DIAPH3: variants seen among roughly 807,000 people sequenced by gnomAD.
DIAPH3 encodes the protein diaphanous related formin 3, also known as protein diaphanous homolog 3.
Under a neutral mutation model 144.3 loss-of-function variants are expected in DIAPH3, and 117 were observed. The ratio of observed to expected loss-of-function variants is 0.81; its 90% CI spans 0.70 to 0.95. DIAPH3 has a LOEUF of 0.95. Among genes scored for constraint, DIAPH3 ranks in the 40% least tolerant of loss-of-function variants. DIAPH3 has a pLI of 0.00. For synonymous variants in DIAPH3, 519 were observed against 488.9 expected (o/e 1.06, Z -0.81); for missense variants, 1,421 against 1,412.7 (o/e 1.01, Z -0.09).
At chr13:60,013,035 A>G (rs1458927677) in intron 7 of DIAPH3, 23 of 985,322 alleles carry the variant, frequency 2.3e-5, no homozygotes, top group Non-Finnish European at 2.8e-5. Flanking sequence ...CTGTGTGAGA[A>G]GTTGTCAACT....
At chr13:60,128,049 C>T (rs1179136263) in intron 2 of DIAPH3, among the ~76,000 whole-genome samples, 2 of 151,992 alleles carry the variant, frequency 1.3e-5, no homozygotes, top group Non-Finnish European at 2.9e-5. Flanking sequence ...TTCTGATATT[C>T]TCCCTCCTCC....
At chr13:59,679,396 T>C (rs2032818074) in intron 27 of DIAPH3, among the ~76,000 whole-genome samples, 1 of 152,166 alleles carries the variant, frequency 6.6e-6, no homozygotes. Flanking sequence ...TGTAGATTCT[T>C]GCCTCAGGCT....
At chr13:59,953,220 C>G (rs190198516) in intron 17 of DIAPH3, among the ~76,000 whole-genome samples, 1 of 152,164 alleles carries the variant, frequency 6.6e-6, no homozygotes, top group Non-Finnish European at 1.5e-5. Flanking sequence ...CAGGGAAAAG[C>G]CCATGGCAGG....
intron 27 of DIAPH3, among the ~76,000 whole-genome samples, chr13:59,735,693 T>A (rs2036111808): frequency 6.6e-6 from 1 of 152,158 alleles, no homozygotes; most frequent in African/African-American, 2.4e-5. Context: ...TTCCCCAACT[T>A]ATAAAAATAA....
At chr13:59,749,061 ATAGT>A (rs1267524092) in intron 27 of DIAPH3, among the ~76,000 whole-genome samples, 1 of 151,724 alleles carries the variant, frequency 6.6e-6, no homozygotes, top group Admixed American at 6.6e-5. Flanking sequence ...TGAGAGTGAG[ATAGT>A]TAGCCAGGTG....
At position 59,995,180 on chromosome 13, in the gene DIAPH3, A is replaced by G. The variant is rs528776639; in HGVS notation, c.1015-2597T>C. ...AAATTCTGATTGAGATGTATATTAG[A>G]ATCATTCATTCATTAAAAAAACAAT... On this transcript the variant is annotated intron_variant, in intron 9 of 27. Transcript: ENST00000400324. 5.3e-5 allele frequency among the ~76,000 whole-genome samples: 8 copies of G among 151,936 alleles called. No homozygotes were observed. The South Asian group carries it at 1.7e-3, about 32-fold the overall frequency.
rs35387511 is a variant in DIAPH3 at position 59,762,052 on chromosome 13, C to CTTTTTTTTTTTTTTTTTTTTTTT, written c.3319+12114_3319+12136dup. On this transcript the variant is annotated intron_variant, in intron 27 of 27. Coordinates refer to ENST00000400324, the MANE Select transcript of DIAPH3 (RefSeq NM_001042517.2). ...GCACCCAAGATGAAAGCGTCAGCATCTTTTTTTTTTTTTTTTTTTTTTTTT... is the reference window on the plus strand; with the variant it reads ...GCACCCAAGATGAAAGCGTCAGCATCTTTTTTTTTTTTTTTTTTTTTTTTTTTTTTTTTTTTTTTTTTTTTTTT... Among the ~76,000 whole-genome samples the CTTTTTTTTTTTTTTTTTTTTTTT allele has an allele frequency of 1.5e-4, 9 of 59,520 alleles. 1 individual carries two copies. Among genetic ancestry groups the CTTTTTTTTTTTTTTTTTTTTTTT allele is most frequent in the South Asian group, 1.9e-3 (2 of 1,044 alleles). 39.0% of individuals were successfully genotyped at this position (59,520 alleles called of 152,430 possible). A position where few individuals can be genotyped will look rare whatever the true frequency, so the allele number is the denominator to read the frequency against.
At chr13:59,972,680 C>T (rs1489483565) in intron 15 of DIAPH3, among the ~76,000 whole-genome samples, 5 of 152,096 alleles carry the variant, frequency 3.3e-5, no homozygotes, top group Admixed American at 2.0e-4. Context: ...TCCTTTTGAA[C>T]GTATTTAATA....
At chr13:60,101,930 C>A (rs1269544167) in intron 3 of DIAPH3, among the ~76,000 whole-genome samples, 1 of 152,156 alleles carries the variant, frequency 6.6e-6, no homozygotes, top group African/African-American at 2.4e-5. Flanking sequence ...TATGGCAAAT[C>A]TTACTAGTCT....
chr13:60,070,921 A>G (rs2057182721), intron 4 of DIAPH3, among the ~76,000 whole-genome samples: 1 of 152,228 alleles, frequency 6.6e-6, no homozygotes, highest in Non-Finnish European at 1.5e-5. Flanking sequence ...CTTCATGTAC[A>G]ATAGCTAAAG....
At chr13:60,045,163 G>A (rs1247797781) in intron 4 of DIAPH3, among the ~76,000 whole-genome samples, 2 of 152,004 alleles carry the variant, frequency 1.3e-5, no homozygotes, top group African/African-American at 2.4e-5. Flanking sequence ...CCAACATGGA[G>A]AAACCCATCT....
chr13:59,776,519 A>G (rs2038421310), intron 25 of DIAPH3, among the ~76,000 whole-genome samples: 1 of 152,162 alleles, frequency 6.6e-6, no homozygotes, highest in Non-Finnish European at 1.5e-5. Context: ...TTCAAAATCT[A>G]AAATTACAAT....
chr13:59,814,892 T>A (rs1378995860), intron 24 of DIAPH3, among the ~76,000 whole-genome samples: 4 of 152,220 alleles, frequency 2.6e-5, no homozygotes, highest in Non-Finnish European at 5.9e-5. Flanking sequence ...TTTCTATAAG[T>A]CTGACTTTTT....
chr13:59,848,107 A>C (rs1300591364), intron 22 of DIAPH3, among the ~76,000 whole-genome samples: 1 of 152,074 alleles, frequency 6.6e-6, no homozygotes, highest in Non-Finnish European at 1.5e-5. Flanking sequence ...ACTCTTCCCG[A>C]TCCAAGCCAA....
intron 9 of DIAPH3, among the ~76,000 whole-genome samples, chr13:60,001,727 T>C (rs535941570): frequency 6.6e-6 from 1 of 152,320 alleles, no homozygotes; most frequent in South Asian, 2.1e-4. Flanking sequence ...ACAGGTATGA[T>C]CATAAGAAAT....
chr13:59,897,930 G>A (rs532031541), intron 20 of DIAPH3, among the ~76,000 whole-genome samples: 94 of 151,520 alleles, frequency 6.2e-4, no homozygotes, highest in African/African-American at 1.9e-3. Context: ...TCAGGAGTTC[G>A]AGACCAGCCT....
intron 20 of DIAPH3, among the ~76,000 whole-genome samples, chr13:59,892,891 T>C (rs2140132500): frequency 6.6e-6 from 1 of 152,086 alleles, no homozygotes; most frequent in East Asian, 1.9e-4. Flanking sequence ...ATAAAAACTG[T>C]AGGTTAAAAG....
chr13:60,081,130 T>C (rs1177396811), intron 4 of DIAPH3, among the ~76,000 whole-genome samples: 2 of 151,910 alleles, frequency 1.3e-5, no homozygotes, highest in Non-Finnish European at 2.9e-5. Context: ...TACAAGCAGA[T>C]GAGACCTATT....
At chr13:60,064,359 T>C (rs1182602119) in intron 4 of DIAPH3, among the ~76,000 whole-genome samples, 1 of 152,250 alleles carries the variant, frequency 6.6e-6, no homozygotes, top group Non-Finnish European at 1.5e-5. Flanking sequence ...ATCTGTTGTT[T>C]AGTGTAGCCA....
Sources: allele counts gnomAD v4.1 joint callset (sites outside exome capture counted in the v4.1 genomes callset), GRCh38; gene constraint gnomAD v4.1.1; transcripts MANE v1.5; gene names NCBI Gene and HGNC (gene_info 2026-07-23, HGNC 2026-07-21).